Variants in EML4 observed in about 807,000 individuals in gnomAD.
EML4 encodes EMAP like 4.
EML4 carries 72 observed loss-of-function variants against 129.0 expected under a neutral mutation model. That is an observed-to-expected ratio of 0.56 (90% CI 0.46 to 0.68). The LOEUF is 0.68. Ranked by LOEUF, EML4 falls within the 30% of genes least tolerant of loss-of-function variation. The pLI is 0.00. For synonymous variants in EML4, 532 were observed against 405.0 expected, an observed-to-expected ratio of 1.31 and a Z score of -3.77; for missense variants, 1,363 against 1,190.6, an observed-to-expected ratio of 1.14 and a Z score of -2.13.
At chr2:42,272,536 G>T (rs12478417) in intron 6 of EML4, among the ~76,000 whole-genome samples, 34,551 of 151,816 alleles carry the variant, frequency 0.23, 4,755 homozygotes, top group East Asian at 0.56. Context: ...GCCCACCTTG[G>T]CCTCCCAAAG....
At position 42,303,013 on chromosome 2, in the gene EML4, C is replaced by G. The variant is rs1000823445; in HGVS notation, c.1642-91C>G. 3.8e-6 allele frequency: 5 copies of G among 1,323,554 alleles called. No homozygotes were observed. The African/African-American group carries it at 7.4e-5, about 20-fold the overall frequency. The allele number at this position is 1,323,554 out of a possible 1,614,324, so 82.0% of individuals were successfully genotyped here. ...AAATTTGGGCTTTCGTCATAATTAC[C>G]TCATAATTGCTTACAGCTATAAATG... On this transcript the variant is annotated intron_variant, in intron 14 of 22. Coordinates refer to ENST00000318522, the MANE Select transcript of EML4 (RefSeq NM_019063.5).
chr2:42,214,850 T>A (rs982648577), intron 1 of EML4, among the ~76,000 whole-genome samples: 1 of 152,148 alleles, frequency 6.6e-6, no homozygotes, highest in South Asian at 2.1e-4. Flanking sequence ...GGAGAAAGTA[T>A]TCCAGGAAAA....
At chr2:42,180,296 AC>A (rs1670857319) in intron 1 of EML4, among the ~76,000 whole-genome samples, 1 of 152,124 alleles carries the variant, frequency 6.6e-6, no homozygotes, top group African/African-American at 2.4e-5. Context: ...ATGTCTCTGG[AC>A]CAGAGGTAGC....
chr2:42,189,264 G>C (rs897389063), intron 1 of EML4, among the ~76,000 whole-genome samples: 2 of 152,202 alleles, frequency 1.3e-5, no homozygotes, highest in African/African-American at 4.8e-5. Context: ...AGAGAGTCTT[G>C]CTGATTTTTC....
chr2:42,198,078 C>A (rs1672001521), intron 1 of EML4, among the ~76,000 whole-genome samples: 1 of 152,234 alleles, frequency 6.6e-6, no homozygotes, highest in South Asian at 2.1e-4. Context: ...GGTTGCTTAT[C>A]AGTGACTTTA....
chr2:42,214,174 C>T (rs1445705077), intron 1 of EML4, among the ~76,000 whole-genome samples: 1 of 152,092 alleles, frequency 6.6e-6, no homozygotes, highest in Admixed American at 6.5e-5. Flanking sequence ...GGGCGGGAGT[C>T]ACAGATCACT....
At chr2:42,304,449 A>C in intron 16 of EML4, 35 bp from the exon 17 acceptor site, 1 of 1,581,412 alleles carries the variant, frequency 6.3e-7, no homozygotes. Flanking sequence ...AGACTTTCTC[A>C]TGTACTCCCC....
chr2:42,315,903 C>CTT, intron 17 of EML4, 59 bp from the exon 18 acceptor site: 1 of 1,268,444 alleles, frequency 7.9e-7, no homozygotes, highest in Non-Finnish European at 1.1e-6. Context: ...AAAAGAACAA[C>CTT]TTTTTTTTTC....
At chr2:42,304,872 A>G (rs1488800243) in intron 17 of EML4, among the ~76,000 whole-genome samples, 1 of 152,162 alleles carries the variant, frequency 6.6e-6, no homozygotes, top group Non-Finnish European at 1.5e-5. Context: ...TAATCCCAGC[A>G]CTTTGGGAGG....
chr2:42,271,963 A>G (rs551692444), intron 6 of EML4, among the ~76,000 whole-genome samples: 79 of 151,900 alleles, frequency 5.2e-4, no homozygotes, highest in African/African-American at 1.5e-3. Flanking sequence ...TTTGCCAGGC[A>G]TGATGGCACC....
chr2:42,331,304 T>G lies in EML4; in HGVS notation c.*1097T>G, dbSNP rs539905643. On this transcript the variant is annotated 3_prime_UTR_variant, in exon 23 of 23. Transcript: ENST00000318522. ...TTACCAACAGCATACTTAACAGACTTGCTGTGTAGCAGTTTTTTTCTGGTG... is the reference window on the plus strand; with the variant it reads ...TTACCAACAGCATACTTAACAGACTGGCTGTGTAGCAGTTTTTTTCTGGTG... The G allele has an allele frequency of 1.8e-5, 4 of 223,538 alleles. No homozygotes were observed. The highest frequency in any genetic ancestry group is 3.6e-5 in the Non-Finnish European group (4 of 111,742). 13.8% of individuals were successfully genotyped at this position (223,538 alleles called of 1,614,324 possible).
chr2:42,183,482 G>C (rs1671068670), intron 1 of EML4, among the ~76,000 whole-genome samples: 1 of 152,138 alleles, frequency 6.6e-6, no homozygotes, highest in African/African-American at 2.4e-5. Flanking sequence ...TAATCTTGGG[G>C]ATACAAAACA....
Position 42,303,084 on chromosome 2 carries a change from C to T in EML4, c.1642-20C>T, listed in dbSNP as rs375953598. The T allele has an allele frequency of 1.2e-6, 2 of 1,612,626 alleles. No homozygotes were observed. Among genetic ancestry groups the T allele is most frequent in the Non-Finnish European group, 1.7e-6 (2 of 1,179,424 alleles). On this transcript the variant is annotated intron_variant, in intron 14 of 22. Transcript: ENST00000318522. Reference sequence around the variant, plus strand: ...ATGCATATTAGTATGTATATGGTGACTTTACACTTTTTTTTCTAGGTTCCT... The same window carrying T: ...ATGCATATTAGTATGTATATGGTGATTTTACACTTTTTTTTCTAGGTTCCT...
At chr2:42,187,566 T>A (rs1435497192) in intron 1 of EML4, among the ~76,000 whole-genome samples, 1 of 152,226 alleles carries the variant, frequency 6.6e-6, no homozygotes, top group Non-Finnish European at 1.5e-5. Context: ...TTTTGGCTGT[T>A]ACGAATAAAG....
At chr2:42,259,290 G>GC (rs1665557944) in intron 3 of EML4, among the ~76,000 whole-genome samples, 1 of 151,654 alleles carries the variant, frequency 6.6e-6, no homozygotes, top group African/African-American at 2.4e-5. Context: ...AAAGAAATAG[G>GC]CATTTAGTAG....
chr2:42,192,881 A>G (rs1187533343), intron 1 of EML4, among the ~76,000 whole-genome samples: 1 of 152,140 alleles, frequency 6.6e-6, no homozygotes, highest in Non-Finnish European at 1.5e-5. Context: ...CATCTGCAGA[A>G]AGCATTTAGG....
chr2:42,285,361 T>C (rs1398385110), intron 9 of EML4, among the ~76,000 whole-genome samples: 1 of 152,200 alleles, frequency 6.6e-6, no homozygotes, highest in Non-Finnish European at 1.5e-5. Context: ...TATGTATGAC[T>C]ATACTCATGA....
intron 7 of EML4, among the ~76,000 whole-genome samples, chr2:42,282,088 T>C (rs1189575095): frequency 6.6e-6 from 1 of 152,112 alleles, no homozygotes; most frequent in Non-Finnish European, 1.5e-5. Context: ...TTCTCTCTCT[T>C]TTTCTCTCCA....
chr2:42,199,826 C>G (rs1177008181), intron 1 of EML4, among the ~76,000 whole-genome samples: 1 of 152,096 alleles, frequency 6.6e-6, no homozygotes, highest in East Asian at 1.9e-4. Flanking sequence ...AGTTACTAGT[C>G]AGATGGTAAA....
Sources: allele counts gnomAD v4.1 joint callset (sites outside exome capture counted in the v4.1 genomes callset), GRCh38; gene constraint gnomAD v4.1.1; transcripts MANE v1.5; gene names NCBI Gene and HGNC (gene_info 2026-07-23, HGNC 2026-07-21).